DTD1: variants seen among roughly 807,000 people sequenced by gnomAD.
The protein encoded by DTD1 is D-aminoacyl-tRNA deacylase 1, also known as D-tyrosyl-tRNA deacylase 1 homolog.
DTD1 carries 13 observed loss-of-function variants against 25.6 expected under a neutral mutation model. That is an observed-to-expected ratio of 0.51 (90% CI 0.33 to 0.81). The LOEUF is 0.81. Ranked by LOEUF, DTD1 falls within the 30% of genes least tolerant of loss-of-function variation. DTD1 has a pLI of 0.02. For synonymous variants in DTD1, 110 were observed against 103.6 expected (o/e 1.06, Z -0.37); for missense variants, 193 against 266.4 (o/e 0.72, Z 1.92).
At chr20:18,705,996 G>T (rs1391829126) in intron 4 of DTD1, among the ~76,000 whole-genome samples, 1 of 152,220 alleles carries the variant, frequency 6.6e-6, no homozygotes, top group Non-Finnish European at 1.5e-5. Context: ...AAGGGGATTA[G>T]CTTAGTGAGT....
chr20:18,738,701 G>C (rs1245518230), intron 4 of DTD1, among the ~76,000 whole-genome samples: 1 of 152,178 alleles, frequency 6.6e-6, no homozygotes, highest in Admixed American at 6.5e-5. Context: ...CCATGTGACA[G>C]GAGAACCAGA....
intron 2 of DTD1, among the ~76,000 whole-genome samples, chr20:18,594,343 G>A (rs969050809): frequency 2.0e-5 from 3 of 152,130 alleles, no homozygotes; most frequent in African/African-American, 7.2e-5. Flanking sequence ...CGGGGGTTGA[G>A]GAGCAGGGGT....
chr20:18,692,762 CT>C (rs545215949), intron 4 of DTD1, among the ~76,000 whole-genome samples: 12 of 152,168 alleles, frequency 7.9e-5, no homozygotes, highest in Non-Finnish European at 1.8e-4. Context: ...CCTGAAAAAT[CT>C]TTCTGCCAAA....
chr20:18,659,084 G>T (rs555562249), intron 4 of DTD1, among the ~76,000 whole-genome samples: 1 of 152,198 alleles, frequency 6.6e-6, no homozygotes, highest in African/African-American at 2.4e-5. Context: ...AAGAAAAAGC[G>T]TAAGCAGAGA....
rs564740251 is a variant in DTD1 at position 18,684,291 on chromosome 20, C to CT, written c.477+56068dup. 3.4e-3 allele frequency among the ~76,000 whole-genome samples: 512 copies of CT among 149,894 alleles called. 4 individuals are homozygous for CT. Among genetic ancestry groups the CT allele is most frequent in the Non-Finnish European group, 6.0e-3 (405 of 67,182 alleles). ...TCACCTCCAGCAGTTCACCAAATGA[C>CT]TTTTTTTTTTCTTGAGATGGAGTCT... On this transcript the variant is annotated intron_variant, in intron 4 of 5. Transcript: ENST00000377452.
At chr20:18,692,182 T>C (rs2061050247) in intron 4 of DTD1, among the ~76,000 whole-genome samples, 1 of 152,234 alleles carries the variant, frequency 6.6e-6, no homozygotes, top group Non-Finnish European at 1.5e-5. Flanking sequence ...GTGTACACAC[T>C]GGCCAATGCA....
intron 4 of DTD1, among the ~76,000 whole-genome samples, chr20:18,635,975 A>G (rs528980062): frequency 1.3e-5 from 2 of 152,340 alleles, no homozygotes; most frequent in East Asian, 3.9e-4. Flanking sequence ...CCATTGACAC[A>G]TAAGACATTT....
At chr20:18,695,317 G>A (rs539129421) in intron 4 of DTD1, among the ~76,000 whole-genome samples, 2 of 151,050 alleles carry the variant, frequency 1.3e-5, no homozygotes, top group Non-Finnish European at 2.9e-5. Context: ...TAAGAATTTC[G>A]TTTATTGGTT....
intron 4 of DTD1, among the ~76,000 whole-genome samples, chr20:18,680,674 T>C (rs1275525482): frequency 2.0e-5 from 3 of 152,152 alleles, no homozygotes; most frequent in African/African-American, 7.2e-5. Flanking sequence ...TCCTGTGGTG[T>C]GCAGGCCAAG....
chr20:18,694,460 A>G (rs895941746), intron 4 of DTD1, among the ~76,000 whole-genome samples: 4 of 152,206 alleles, frequency 2.6e-5, no homozygotes, highest in African/African-American at 9.6e-5. Flanking sequence ...CGTGTTCTCC[A>G]GAGCATTGGT....
At chr20:18,657,016 G>GT (rs747438410) in intron 4 of DTD1, among the ~76,000 whole-genome samples, 2 of 151,892 alleles carry the variant, frequency 1.3e-5, no homozygotes, top group Admixed American at 6.6e-5. Context: ...CTTAATGGTT[G>GT]TTTTTTTTGT....
intron 4 of DTD1, among the ~76,000 whole-genome samples, chr20:18,731,624 T>C (rs1414912179): frequency 6.6e-6 from 1 of 152,212 alleles, no homozygotes; most frequent in Non-Finnish European, 1.5e-5. Flanking sequence ...TATTTCTTGA[T>C]TTATTAAAAT....
At chr20:18,724,193 T>C (rs945198082) in intron 4 of DTD1, among the ~76,000 whole-genome samples, 11 of 152,206 alleles carry the variant, frequency 7.2e-5, no homozygotes, top group African/African-American at 2.7e-4. Flanking sequence ...TGTGATGGTT[T>C]AGACTGGAGC....
At chr20:18,615,243 T>C (rs2060704713) in intron 3 of DTD1, among the ~76,000 whole-genome samples, 1 of 152,002 alleles carries the variant, frequency 6.6e-6, no homozygotes, top group Non-Finnish European at 1.5e-5. Context: ...AAGCCATCTC[T>C]AGTCTTCCAC....
At chr20:18,615,911 C>T (rs1165967902) in intron 3 of DTD1, among the ~76,000 whole-genome samples, 3 of 152,162 alleles carry the variant, frequency 2.0e-5, no homozygotes, top group African/African-American at 7.2e-5. Context: ...TGGAAGACCA[C>T]GTCTAAGTTT....
At chr20:18,732,811 T>G (rs2061242959) in intron 4 of DTD1, among the ~76,000 whole-genome samples, 1 of 152,244 alleles carries the variant, frequency 6.6e-6, no homozygotes, top group Non-Finnish European at 1.5e-5. Context: ...ACTTACTTGA[T>G]CATTCCTTCT....
Position 18,694,384 on chromosome 20 carries a change from C to T in DTD1, c.478-49716C>T, listed in dbSNP as rs183706458. On this transcript the variant is annotated intron_variant, in intron 4 of 5. Coordinates refer to ENST00000377452, the MANE Select transcript of DTD1 (RefSeq NM_080820.6). ...GCAGGTAAATTGAGCCCACCCGTGC[C>T]TTGCAGTTGGTCCCTTTGCCTCTCT... Among the ~76,000 whole-genome samples the T allele has an allele frequency of 3.4e-3, 514 of 152,278 alleles. 4 individuals are homozygous for T. Among genetic ancestry groups the T allele is most frequent in the Non-Finnish European group, 3.8e-3 (257 of 68,014 alleles).
intron 1 of DTD1, among the ~76,000 whole-genome samples, chr20:18,588,496 G>A (rs1046367138): frequency 6.6e-6 from 1 of 152,250 alleles, no homozygotes; most frequent in Non-Finnish European, 1.5e-5. Context: ...TTCCGGAGCA[G>A]GCACTCCTCC....
intron 4 of DTD1, among the ~76,000 whole-genome samples, chr20:18,708,308 T>TATATA (rs1568677042): frequency 2.0e-5 from 1 of 48,888 alleles, no homozygotes; most frequent in African/African-American, 7.8e-5. Flanking sequence ...ATATATATAT[T>TATATA]TTATATATAT....
Sources: gnomAD v4.1 joint callset for allele counts (sites outside exome capture counted in the v4.1 genomes callset) on GRCh38, gnomAD v4.1.1 for gene constraint, MANE v1.5 for transcripts, NCBI Gene and HGNC (gene_info 2026-07-23, HGNC 2026-07-21) for gene names.